The following EYS variants were observed in gnomAD, a reference collection of about 807,000 sequenced individuals.
EYS encodes protein eyes shut homolog.
A neutral mutation model predicts 282.1 loss-of-function variants in EYS; 250 were observed. That is an observed-to-expected ratio of 0.89 (90% CI 0.80 to 0.98). The LOEUF (loss-of-function observed/expected upper bound fraction) is 0.98, where lower values mean the gene tolerates loss of function less well. Ranked by LOEUF, EYS falls within the 50% of genes least tolerant of loss-of-function variation. The pLI is 0.00. For synonymous variants in EYS, 1,355 were observed against 1,282.9 expected (o/e 1.06, Z -1.20); for missense variants, 4,016 against 3,709.0 (o/e 1.08, Z -2.15).
chr6:65,366,012 T>C (rs9363350), intron 8 of EYS, among the ~76,000 whole-genome samples: 29,717 of 151,692 alleles, frequency 0.2, 3,818 homozygotes, highest in Non-Finnish European at 0.27. Context: ...GATGTTCATA[T>C]TGGGAAGAAT....
intron 22 of EYS, among the ~76,000 whole-genome samples, chr6:64,650,513 C>A (rs1389476940): frequency 6.6e-6 from 1 of 151,910 alleles, no homozygotes; most frequent in Non-Finnish European, 1.5e-5. Context: ...ATGAAAGATT[C>A]ATAGGAGAAT....
At chr6:65,429,909 A>G (rs1365915343) in intron 5 of EYS, among the ~76,000 whole-genome samples, 2 of 152,212 alleles carry the variant, frequency 1.3e-5, no homozygotes, top group Admixed American at 6.5e-5. Context: ...TAATACTTTT[A>G]GTTTACTACG....
chr6:64,588,113 A>T (rs989360911), intron 26 of EYS, among the ~76,000 whole-genome samples: 1 of 152,112 alleles, frequency 6.6e-6, no homozygotes, highest in Non-Finnish European at 1.5e-5. Context: ...GATGGTTATC[A>T]TATTCATGCT....
chr6:65,698,169 A>G (rs1486690993), intron 1 of EYS, among the ~76,000 whole-genome samples: 2 of 152,156 alleles, frequency 1.3e-5, no homozygotes, highest in Non-Finnish European at 2.9e-5. Flanking sequence ...TTATACATAA[A>G]GAATAGTTGC....
chr6:65,390,613 G>C (rs1446650023), intron 7 of EYS, among the ~76,000 whole-genome samples: 1 of 152,048 alleles, frequency 6.6e-6, no homozygotes, highest in Middle Eastern at 3.2e-3. Context: ...GCTGGGCATG[G>C]TGGCTTATAT....
At chr6:64,406,788 A>C (rs1247366540) in intron 28 of EYS, among the ~76,000 whole-genome samples, 1 of 152,256 alleles carries the variant, frequency 6.6e-6, no homozygotes, top group Non-Finnish European at 1.5e-5. Flanking sequence ...GGCAATCATT[A>C]ACAAGTCAGG....
chr6:64,714,301 T>G (rs979957134), intron 22 of EYS, among the ~76,000 whole-genome samples: 10 of 152,154 alleles, frequency 6.6e-5, no homozygotes, highest in African/African-American at 2.4e-4. Flanking sequence ...TAAAATCTAG[T>G]ACGGGAAGTA....
At chr6:63,741,794 C>CTT (rs1769081593) in intron 41 of EYS, 1 of 612,636 alleles carries the variant, frequency 1.6e-6, no homozygotes, top group Admixed American at 2.2e-5. Context: ...GTCAACATTT[C>CTT]ACCTAATTCT....
intron 14 of EYS, among the ~76,000 whole-genome samples, chr6:64,952,713 T>C (rs1769554220): frequency 6.6e-6 from 1 of 152,086 alleles, no homozygotes; most frequent in Non-Finnish European, 1.5e-5. Flanking sequence ...CTTACTGTTT[T>C]AGATTTTATG....
At chr6:64,301,805 T>C (rs972602104) in intron 30 of EYS, among the ~76,000 whole-genome samples, 4 of 152,192 alleles carry the variant, frequency 2.6e-5, no homozygotes, top group Non-Finnish European at 5.9e-5. Context: ...TAACACTGTT[T>C]ACTGACGGTT....
At chr6:65,187,015 C>T (rs191071854) in intron 12 of EYS, among the ~76,000 whole-genome samples, 12 of 151,818 alleles carry the variant, frequency 7.9e-5, no homozygotes, top group Admixed American at 7.9e-4. Flanking sequence ...TGGGCAGATT[C>T]CAATAGGCTG....
intron 5 of EYS, among the ~76,000 whole-genome samples, chr6:65,444,154 C>T (rs1768561731): frequency 6.6e-6 from 1 of 151,868 alleles, no homozygotes; most frequent in Admixed American, 6.6e-5. Flanking sequence ...TTTCCTTAAC[C>T]CACATATTCC....
At chr6:64,462,359 T>A (rs1444073666) in intron 26 of EYS, among the ~76,000 whole-genome samples, 1 of 152,220 alleles carries the variant, frequency 6.6e-6, no homozygotes, top group Non-Finnish European at 1.5e-5. Context: ...CTTCTTGTCA[T>A]CTGGATGTCC....
chr6:64,365,877 G>T (rs1002778802), intron 29 of EYS, among the ~76,000 whole-genome samples: 6 of 151,974 alleles, frequency 3.9e-5, no homozygotes, highest in African/African-American at 1.4e-4. Context: ...TGAAGCCATG[G>T]AATTTGAAAC....
chr6:65,625,234 A>G (rs1041954197), intron 2 of EYS, among the ~76,000 whole-genome samples: 1 of 152,166 alleles, frequency 6.6e-6, no homozygotes, highest in African/African-American at 2.4e-5. Flanking sequence ...AGATTATCTT[A>G]TATTCCCCGA....
intron 31 of EYS, among the ~76,000 whole-genome samples, chr6:64,125,116 T>C (rs543700537): frequency 4.0e-5 from 6 of 150,796 alleles, no homozygotes; most frequent in East Asian, 3.9e-4. Flanking sequence ...CTCCCATTTT[T>C]TTTCTGATGA....
chr6:64,739,958 G>A (rs187429284), intron 22 of EYS, among the ~76,000 whole-genome samples: 358 of 152,128 alleles, frequency 2.4e-3, no homozygotes, highest in South Asian at 9.3e-3. Context: ...AGGCTAAGGT[G>A]TTAATAATAA....
intron 11 of EYS, among the ~76,000 whole-genome samples, chr6:65,317,776 CT>C (rs766483446): frequency 1.5e-5 from 1 of 67,728 alleles, no homozygotes; most frequent in Non-Finnish European, 3.7e-5. Context: ...GCTACATTTT[CT>C]CTTCCTTCCT....
intron 26 of EYS, among the ~76,000 whole-genome samples, chr6:64,457,786 ATT>A (rs34428442): frequency 3.1e-5 from 4 of 128,498 alleles, no homozygotes; most frequent in Non-Finnish European, 4.8e-5. Context: ...TAGTTGGGTC[ATT>A]TTTTTTCCCC....
Sources: gnomAD v4.1 joint callset for allele counts (sites outside exome capture counted in the v4.1 genomes callset) on GRCh38, gnomAD v4.1.1 for gene constraint, MANE v1.5 for transcripts, NCBI Gene and HGNC (gene_info 2026-07-23, HGNC 2026-07-21) for gene names.